Variants in CPQ observed in about 807,000 individuals in gnomAD.
The protein encoded by CPQ is carboxypeptidase Q.
A neutral mutation model predicts 45.7 loss-of-function variants in CPQ; 37 were observed. The observed-to-expected ratio is 0.81, with a 90% CI of 0.62 to 1.07. The LOEUF is 1.07. Among genes scored for constraint, CPQ ranks in the 50% least tolerant of loss-of-function variants. CPQ has a pLI of 0.00. For missense variants in CPQ, 537 were observed against 572.9 expected (o/e 0.94, Z 0.64); for synonymous variants, 186 against 205.8 (o/e 0.90, Z 0.82).
intron 1 of CPQ, among the ~76,000 whole-genome samples, chr8:96,730,984 G>A (rs1400707913): frequency 6.6e-6 from 1 of 150,442 alleles, no homozygotes; most frequent in Non-Finnish European, 1.5e-5. Flanking sequence ...AAGTGGAGGT[G>A]CTTTACATAA....
chr8:96,698,951 A>G (rs374862949), intron 1 of CPQ, among the ~76,000 whole-genome samples: 31 of 152,196 alleles, frequency 2.0e-4, no homozygotes, highest in East Asian at 5.8e-4. Flanking sequence ...AAATAGAGCT[A>G]CCATAAGATC....
chr8:96,860,496 C>T (rs1440895772), intron 3 of CPQ, among the ~76,000 whole-genome samples: 1 of 152,136 alleles, frequency 6.6e-6, no homozygotes, highest in Non-Finnish European at 1.5e-5. Flanking sequence ...TTCTCTGAAG[C>T]TCCTTGATCC....
chr8:96,746,085 C>T (rs1185361700), intron 1 of CPQ, among the ~76,000 whole-genome samples: 1 of 152,162 alleles, frequency 6.6e-6, no homozygotes, highest in Admixed American at 6.5e-5. Flanking sequence ...TAACTCACTG[C>T]AGTGTTATGT....
chr8:96,788,088 T>A (rs1461176406), intron 2 of CPQ, among the ~76,000 whole-genome samples: 2 of 151,794 alleles, frequency 1.3e-5, no homozygotes, highest in Non-Finnish European at 2.9e-5. Context: ...CTTTCTTTTT[T>A]TTTTATTTTC....
rs71514937 is a variant in CPQ, at chr8:97,079,450, A to C, written c.1255+13240A>C. On this transcript the variant is annotated intron_variant, in intron 7 of 7. Coordinates refer to ENST00000220763, the MANE Select transcript of CPQ (RefSeq NM_016134.4). Reference sequence around the variant, plus strand: ...GATGCTTTACTTATCTCATAATTTCATAAGAACATTTTGAAGTATAAATTA... The same window carrying C: ...GATGCTTTACTTATCTCATAATTTCCTAAGAACATTTTGAAGTATAAATTA... Among the ~76,000 whole-genome samples the C allele has an allele frequency of 7.5e-3, 1,149 of 152,330 alleles. 6 individuals carry two copies. Among genetic ancestry groups the C allele is most frequent in the Non-Finnish European group, 0.011 (759 of 68,032 alleles).
intron 5 of CPQ, among the ~76,000 whole-genome samples, chr8:96,991,018 A>G (rs2130405740): frequency 6.6e-6 from 1 of 152,318 alleles, no homozygotes; most frequent in East Asian, 1.9e-4. Context: ...GTCTTTTCCC[A>G]TCCTAGTTTG....
chr8:97,015,904 A>C (rs962046092), intron 5 of CPQ, among the ~76,000 whole-genome samples: 3 of 152,098 alleles, frequency 2.0e-5, no homozygotes, highest in African/African-American at 7.2e-5. Context: ...GTTTACATAC[A>C]TTTATAATTT....
chr8:96,846,553 T>G (rs1442927915), intron 3 of CPQ, among the ~76,000 whole-genome samples: 1 of 152,208 alleles, frequency 6.6e-6, no homozygotes, highest in African/African-American at 2.4e-5. Flanking sequence ...CATTCATTAC[T>G]CAATATTTTG....
At chr8:96,824,912 A>G (rs553961329) in intron 2 of CPQ, among the ~76,000 whole-genome samples, 2 of 152,208 alleles carry the variant, frequency 1.3e-5, no homozygotes, top group South Asian at 4.1e-4. Context: ...TCAATTCAGC[A>G]AACATATTGA....
intron 2 of CPQ, among the ~76,000 whole-genome samples, chr8:96,800,113 T>C (rs1383277293): frequency 6.6e-6 from 1 of 152,140 alleles, no homozygotes; most frequent in Non-Finnish European, 1.5e-5. Flanking sequence ...CTGTCTAAAA[T>C]GTTAAGGAAT....
intron 1 of CPQ, among the ~76,000 whole-genome samples, chr8:96,700,963 T>C (rs1276979414): frequency 6.6e-6 from 1 of 152,186 alleles, no homozygotes; most frequent in Non-Finnish European, 1.5e-5. Flanking sequence ...TTCTAATAAC[T>C]GAAAGTGATT....
chr8:96,790,836 A>T (rs1005576694), intron 2 of CPQ, among the ~76,000 whole-genome samples: 10 of 152,102 alleles, frequency 6.6e-5, no homozygotes, highest in African/African-American at 2.4e-4. Flanking sequence ...AATTTTTCCC[A>T]CTAAATATTT....
At chr8:96,917,196 G>A (rs1187494850) in intron 4 of CPQ, among the ~76,000 whole-genome samples, 1 of 152,066 alleles carries the variant, frequency 6.6e-6, no homozygotes, top group Non-Finnish European at 1.5e-5. Flanking sequence ...ACCTCTTTAA[G>A]GGTGTAGTTT....
chr8:96,934,932 C>G (rs931254516), intron 4 of CPQ, among the ~76,000 whole-genome samples: 1 of 152,180 alleles, frequency 6.6e-6, no homozygotes, highest in Non-Finnish European at 1.5e-5. Flanking sequence ...ATGCAGCCTA[C>G]ATTTCTCTCT....
At chr8:96,983,030 A>G (rs560664397) in intron 5 of CPQ, among the ~76,000 whole-genome samples, 26 of 152,224 alleles carry the variant, frequency 1.7e-4, no homozygotes, top group Non-Finnish European at 3.5e-4. Flanking sequence ...GAAGAAATTA[A>G]AAGTTACCAA....
Position 96,774,270 on chromosome 8 carries a change from C to CAAA in CPQ, c.-34-10581_-34-10579dup, listed in dbSNP as rs764110279. On this transcript the variant is annotated intron_variant, in intron 1 of 7. Transcript: ENST00000220763. ...TGGGTGACAGAGCGAGACTCAGTCT[C>CAAA]AAAAAAAAAAAAAAAGTTTCAACAT... Among the ~76,000 whole-genome samples, 32 of 108,730 alleles carry CAAA rather than the reference C, an allele frequency of 2.9e-4. 1 individual carries two copies. The highest frequency in any genetic ancestry group is 1.1e-3 in the African/African-American group (32 of 29,390). The allele number at this position is 108,730 out of a possible 152,430, so 71.3% of individuals were successfully genotyped here.
intron 1 of CPQ, among the ~76,000 whole-genome samples, chr8:96,778,347 T>G (rs1810643418): frequency 6.6e-6 from 1 of 152,228 alleles, no homozygotes; most frequent in African/African-American, 2.4e-5. Context: ...ACAATAATAA[T>G]AAAATTCTGT....
chr8:96,790,227 C>T (rs757348743), intron 2 of CPQ, among the ~76,000 whole-genome samples: 3 of 152,234 alleles, frequency 2.0e-5, no homozygotes, highest in African/African-American at 4.8e-5. Context: ...GGAGAACATT[C>T]GTGCTACTGC....
At chr8:96,783,834 A>G (rs1050043573) in intron 1 of CPQ, among the ~76,000 whole-genome samples, 1 of 152,176 alleles carries the variant, frequency 6.6e-6, no homozygotes, top group East Asian at 1.9e-4. Context: ...AAGTGACCAT[A>G]TGAGACAATT....
Sources: allele counts gnomAD v4.1 joint callset (sites outside exome capture counted in the v4.1 genomes callset), GRCh38; gene constraint gnomAD v4.1.1; transcripts MANE v1.5; gene names NCBI Gene and HGNC (gene_info 2026-07-23, HGNC 2026-07-21).